TTC27: variants seen among roughly 807,000 people sequenced by gnomAD.
TTC27 encodes tetratricopeptide repeat protein 27.
A neutral mutation model predicts 115.9 loss-of-function variants in TTC27; 79 were observed. The ratio of observed to expected loss-of-function variants is 0.68; its 90% CI spans 0.57 to 0.82. TTC27 has a LOEUF of 0.82. Among genes scored for constraint, TTC27 ranks in the 40% least tolerant of loss-of-function variants. The pLI is 0.00. For synonymous variants in TTC27, 401 were observed against 356.0 expected (o/e 1.13, Z -1.42); for missense variants, 1,054 against 993.1 (o/e 1.06, Z -0.82).
At chr2:32,660,222 A>G (rs1265595740) in intron 5 of TTC27, among the ~76,000 whole-genome samples, 1 of 152,090 alleles carries the variant, frequency 6.6e-6, no homozygotes, top group Non-Finnish European at 1.5e-5. Flanking sequence ...CTGGCATGAG[A>G]TGGTATCTCA....
Position 32,664,364 on chromosome 2 carries a change from T to A in TTC27, c.702T>A (p.His234Gln), listed in dbSNP as rs548836829. Residue 234 changes from histidine to glutamine, a missense_variant, in exon 6 of 20, where the codon CAT becomes CAA. Physicochemically the swap from His to Gln is conservative, Grantham distance 24. Transcript: ENST00000317907. ...GTCGATATTTGGCTATTCAATTCCATCTGGAATGTGCATATGTGTTTTTAT... is the reference window on the plus strand; with the variant it reads ...GTCGATATTTGGCTATTCAATTCCAACTGGAATGTGCATATGTGTTTTTAT... ...DSGRYLAIQF[H>Q]LECAYVFLYY... 51 of 1,612,274 alleles carry A rather than the reference T, an allele frequency of 3.2e-5. No homozygotes were observed. The South Asian group carries it at 5.2e-4, about 16-fold the overall frequency.
chr2:32,754,767 C>T lies in TTC27; in HGVS notation c.1453-3525C>T, dbSNP rs530344566. Among the ~76,000 whole-genome samples, 8 of 145,050 alleles carry T rather than the reference C, an allele frequency of 5.5e-5. No individual in the cohort carries two copies. The South Asian group carries it at 6.8e-4, about 12-fold the overall frequency. On this transcript the variant is annotated intron_variant, in intron 12 of 19. Transcript: ENST00000317907. Reference sequence around the variant, plus strand: ...CTCCCGGACGGGGTGGCTGGCCGGGCGGGGGCTGACCTCCCCCACCTCCCT... The same window carrying T: ...CTCCCGGACGGGGTGGCTGGCCGGGTGGGGGCTGACCTCCCCCACCTCCCT...
At chr2:32,767,618 C>A (rs1311094185) in intron 13 of TTC27, among the ~76,000 whole-genome samples, 3 of 151,238 alleles carry the variant, frequency 2.0e-5, no homozygotes, top group Non-Finnish European at 4.4e-5. Context: ...CCCGCCACCG[C>A]GCCCGGCTAA....
intron 3 of TTC27, among the ~76,000 whole-genome samples, chr2:32,637,935 G>T (rs957300556): frequency 2.6e-5 from 4 of 152,162 alleles, no homozygotes; most frequent in Admixed American, 2.6e-4. Flanking sequence ...ACGCCACCAT[G>T]GTGTAGTGCC....
At chr2:32,737,154 G>A (rs1668476801) in intron 12 of TTC27, among the ~76,000 whole-genome samples, 1 of 152,188 alleles carries the variant, frequency 6.6e-6, no homozygotes, top group East Asian at 1.9e-4. Context: ...CTCAATGGAG[G>A]TTCCCTAGGA....
intron 5 of TTC27, among the ~76,000 whole-genome samples, chr2:32,650,960 T>A (rs1665100042): frequency 6.6e-6 from 1 of 151,938 alleles, no homozygotes; most frequent in Admixed American, 6.6e-5. Flanking sequence ...GCCTTAATAC[T>A]TGGTTTCCAG....
chr2:32,731,765 A>C (rs1317844859), intron 10 of TTC27, among the ~76,000 whole-genome samples: 1 of 152,168 alleles, frequency 6.6e-6, no homozygotes, highest in Admixed American at 6.5e-5. Context: ...GGTTCTCTGC[A>C]CTGTCTTTAG....
chr2:32,758,578 T>C, intron 13 of TTC27, 59 bp downstream of exon 13: 1 of 1,503,146 alleles, frequency 6.7e-7, no homozygotes, highest in Admixed American at 1.8e-5. Context: ...TTGGATTTGA[T>C]CTTACAGAAT....
intron 8 of TTC27, among the ~76,000 whole-genome samples, chr2:32,676,011 C>T (rs1302245699): frequency 7.9e-5 from 12 of 151,922 alleles, no homozygotes; most frequent in Admixed American, 6.6e-4. Context: ...AAGCTGGTCT[C>T]GAACTCCTGA....
intron 13 of TTC27, 60 bp downstream of exon 13, chr2:32,758,579 C>G: frequency 1.3e-6 from 2 of 1,499,822 alleles, no homozygotes; most frequent in Non-Finnish European, 1.8e-6. Flanking sequence ...TGGATTTGAT[C>G]TTACAGAATG....
chr2:32,787,228 A>C (rs1670379175), intron 16 of TTC27, 79 bp downstream of exon 16: 5 of 1,480,260 alleles, frequency 3.4e-6, no homozygotes, highest in Non-Finnish European at 4.5e-6. Context: ...ATTTCCTTGA[A>C]TATGCACAGG....
intron 16 of TTC27, among the ~76,000 whole-genome samples, chr2:32,809,094 T>C (rs1671232624): frequency 6.6e-6 from 1 of 152,234 alleles, no homozygotes; most frequent in African/African-American, 2.4e-5. Flanking sequence ...CTGTCTTCTT[T>C]TATGACTGTA....
At chr2:32,767,204 C>T (rs1248893670) in intron 13 of TTC27, among the ~76,000 whole-genome samples, 1 of 152,026 alleles carries the variant, frequency 6.6e-6, no homozygotes, top group Non-Finnish European at 1.5e-5. Context: ...CTTAAAACAT[C>T]AGTAATAATT....
chr2:32,741,646 CA>C (rs142699063), intron 12 of TTC27, among the ~76,000 whole-genome samples: 53,323 of 139,414 alleles, frequency 0.38, 10,165 homozygotes, highest in Non-Finnish European at 0.43. Context: ...AGCGAGAATC[CA>C]ATAAAAAAAA....
At chr2:32,808,734 T>C (rs1671220539) in intron 16 of TTC27, among the ~76,000 whole-genome samples, 1 of 152,220 alleles carries the variant, frequency 6.6e-6, no homozygotes, top group Non-Finnish European at 1.5e-5. Flanking sequence ...GTCTCCCCAG[T>C]AGGCTAAAGT....
chr2:32,707,783 C>T (rs1480257478), intron 10 of TTC27, among the ~76,000 whole-genome samples: 1 of 152,060 alleles, frequency 6.6e-6, no homozygotes, highest in African/African-American at 2.4e-5. Flanking sequence ...GAAGCATTTA[C>T]AGCTCAGTAG....
At chr2:32,819,280 C>T (rs775964153) in intron 19 of TTC27, among the ~76,000 whole-genome samples, 3 of 152,092 alleles carry the variant, frequency 2.0e-5, no homozygotes, top group Non-Finnish European at 2.9e-5. Context: ...AATGAAAATG[C>T]GGCCCCAGAA....
At chr2:32,661,008 C>A (rs1343177517) in intron 5 of TTC27, among the ~76,000 whole-genome samples, 2 of 152,182 alleles carry the variant, frequency 1.3e-5, no homozygotes, top group Non-Finnish European at 2.9e-5. Context: ...TTTCCCAACA[C>A]CATTTATTAA....
intron 18 of TTC27, among the ~76,000 whole-genome samples, chr2:32,816,840 G>A (rs959977281): frequency 6.6e-6 from 1 of 152,196 alleles, no homozygotes; most frequent in Non-Finnish European, 1.5e-5. Flanking sequence ...ATCAGCAGTT[G>A]TGAAGTCCCC....
Sources: allele counts gnomAD v4.1 joint callset (sites outside exome capture counted in the v4.1 genomes callset), GRCh38; gene constraint gnomAD v4.1.1; transcripts MANE v1.5; gene names NCBI Gene and HGNC (gene_info 2026-07-23, HGNC 2026-07-21).